Variants in BEND6 observed in about 807,000 individuals in gnomAD.
The protein encoded by BEND6 is BEN domain containing 6, also known as BEN domain-containing protein 6.
A neutral mutation model predicts 31.8 loss-of-function variants in BEND6; 24 were observed. That is an observed-to-expected ratio of 0.75 (90% CI 0.55 to 1.06). The LOEUF is 1.06. Among genes scored for constraint, BEND6 ranks in the 50% least tolerant of loss-of-function variants. The probability of loss-of-function intolerance (pLI) is 0.00; values close to 1 mark genes in which losing one functional copy is unlikely to be tolerated. For synonymous variants in BEND6, 109 were observed against 114.6 expected (o/e 0.95, Z 0.31); for missense variants, 294 against 327.4 (o/e 0.90, Z 0.79).
chr6:56,958,075 A>G (rs1041036589), intron 1 of BEND6, among the ~76,000 whole-genome samples: 2 of 152,300 alleles, frequency 1.3e-5, no homozygotes, highest in East Asian at 1.9e-4. Flanking sequence ...AAGGAACCCA[A>G]CCTGTTCAAA....
intron 3 of BEND6, chr6:57,010,651 G>A: frequency 1.1e-6 from 1 of 924,164 alleles, no homozygotes; most frequent in South Asian, 5.0e-5. Flanking sequence ...GGGAGAATTT[G>A]CTATTTTTGT....
chr6:57,020,221 AT>A (rs1827693964), intron 6 of BEND6, among the ~76,000 whole-genome samples: 1 of 151,678 alleles, frequency 6.6e-6, no homozygotes. Context: ...AGTACTTCCT[AT>A]TTTGACATGA....
At chr6:56,974,522 A>G (rs1222519634) in intron 1 of BEND6, among the ~76,000 whole-genome samples, 1 of 152,192 alleles carries the variant, frequency 6.6e-6, no homozygotes, top group Non-Finnish European at 1.5e-5. Flanking sequence ...ACCACACTTA[A>G]TGTGTTTATG....
Position 56,956,551 on chromosome 6 carries a change from CA to C in BEND6, c.-101+1095del, listed in dbSNP as rs1208153423. Among the ~76,000 whole-genome samples the C allele has an allele frequency of 3.3e-5, 5 of 152,202 alleles. No individual in the cohort carries two copies. In the East Asian group the frequency reaches 7.7e-4, roughly 23 times the overall value. ...TTTGTTTACAGCTGGTTTCCTTAAA[CA>C]AAATAAACATTCGAATTGTTGACAT... On this transcript the variant is annotated intron_variant, in intron 1 of 6. Coordinates refer to ENST00000370746, the MANE Select transcript of BEND6 (RefSeq NM_152731.3).
intron 5 of BEND6, 29 bp downstream of exon 5, chr6:57,017,428 T>C (rs1274030212): frequency 7.7e-7 from 1 of 1,293,874 alleles, no homozygotes; most frequent in African/African-American, 1.5e-5. Context: ...TATATTGTCG[T>C]ATGAATTTTA....
intron 4 of BEND6, 120 bp from the exon 5 acceptor site, chr6:57,017,087 A>G: frequency 2.8e-6 from 1 of 362,198 alleles, no homozygotes; most frequent in Non-Finnish European, 4.6e-6. Flanking sequence ...AAATATATAT[A>G]TAATATCTTA....
At position 56,988,795 on chromosome 6, in the gene BEND6, G is replaced by A. The variant is rs374942626; in HGVS notation, c.121-3583G>A. 1.3e-4 allele frequency among the ~76,000 whole-genome samples: 20 copies of A among 152,272 alleles called. 1 individual carries two copies. The highest frequency in any genetic ancestry group is 5.2e-4 in the Admixed American group (8 of 15,292). On this transcript the variant is annotated intron_variant, in intron 2 of 6. Coordinates refer to ENST00000370746, the MANE Select transcript of BEND6 (RefSeq NM_152731.3). ...TGTAATCCCAGCACTTTGGGAGTCC[G>A]AGGTGGGCAGATGACTTGAGGTCAG...
intron 2 of BEND6, among the ~76,000 whole-genome samples, chr6:56,985,667 A>G (rs1405140521): frequency 2.6e-5 from 4 of 152,216 alleles, no homozygotes; most frequent in Non-Finnish European, 4.4e-5. Flanking sequence ...TTAGCTGACA[A>G]CTATGAGCCC....
intron 3 of BEND6, among the ~76,000 whole-genome samples, chr6:56,995,233 A>C (rs1038054812): frequency 8.6e-5 from 13 of 151,964 alleles, no homozygotes; most frequent in African/African-American, 3.1e-4. Flanking sequence ...AAAAAAAAAA[A>C]AACAAAAACC....
intron 1 of BEND6, among the ~76,000 whole-genome samples, chr6:56,978,331 T>C (rs1825961269): frequency 6.6e-6 from 1 of 152,080 alleles, no homozygotes; most frequent in Non-Finnish European, 1.5e-5. Context: ...GGAGGGTTTT[T>C]TTTGTATACT....
intron 3 of BEND6, chr6:57,009,035 A>T (rs1827259821): frequency 6.6e-6 from 1 of 152,240 alleles, no homozygotes; most frequent in Non-Finnish European, 1.5e-5. Flanking sequence ...TAGAAAGTTA[A>T]ACACTGCATG....
Position 56,992,525 on chromosome 6 carries a change from C to T in BEND6, c.268C>T (p.Arg90Ter), listed in dbSNP as rs928555916. ...KLTNTRKENS[R>*]LRQSLVMLQV... ...AACAAACACCCGGAAAGAAAACAGC[C>T]GACTTCGACAGTCTTTGGTCATGCT... is the stretch of plus-strand genomic sequence containing the variant. The change falls in exon 3 of 7, where the codon CGA (arginine) becomes TGA (stop). Residue 90 changes from arginine (R) to a stop codon, truncating the protein, a stop_gained. Transcript: ENST00000370746. LOFTEE classifies it high-confidence loss of function. The T allele has an allele frequency of 1.2e-6, 2 of 1,613,378 alleles. No homozygotes were observed. Among genetic ancestry groups the T allele is most frequent in the Non-Finnish European group, 8.5e-7 (1 of 1,179,878 alleles).
intron 1 of BEND6, among the ~76,000 whole-genome samples, chr6:56,981,216 T>A (rs1038563429): frequency 6.6e-6 from 1 of 152,166 alleles, no homozygotes; most frequent in Non-Finnish European, 1.5e-5. Context: ...ATTCTTCAGT[T>A]TGCACCAAGG....
chr6:56,974,988 G>A (rs1165089891), intron 1 of BEND6, among the ~76,000 whole-genome samples: 3 of 152,090 alleles, frequency 2.0e-5, no homozygotes, highest in Admixed American at 1.3e-4. Flanking sequence ...GCATGATGGC[G>A]GGTGCCTGTA....
At chr6:56,999,773 T>G (rs1272415078) in intron 3 of BEND6, among the ~76,000 whole-genome samples, 1 of 152,238 alleles carries the variant, frequency 6.6e-6, no homozygotes, top group East Asian at 1.9e-4. Flanking sequence ...CCACTTTGGT[T>G]GCAGCCAGCT....
chr6:56,956,712 A>G (rs747112733), intron 1 of BEND6, among the ~76,000 whole-genome samples: 1 of 152,240 alleles, frequency 6.6e-6, no homozygotes, highest in Non-Finnish European at 1.5e-5. Flanking sequence ...ATGGGTCTCT[A>G]GCACTCAGAG....
intron 1 of BEND6, among the ~76,000 whole-genome samples, chr6:56,971,983 G>T: frequency 6.8e-6 from 1 of 146,178 alleles, no homozygotes; most frequent in African/African-American, 2.5e-5. Flanking sequence ...CCTGTTTTTT[G>T]TTTTATTGCC....
Position 57,018,480 on chromosome 6 carries a change from C to A in BEND6, c.772C>A (p.Gln258Lys). Residue 258 changes from glutamine to lysine, a missense_variant, in exon 6 of 7, where the codon CAA (glutamine) becomes AAA (lysine). Gln to Lys is a moderately conservative substitution (Grantham distance 53). Transcript: ENST00000370746. ...TGTTTCAATTAGGAGAATGATAGGG[C>A]AAAAGCTAAACAACTGTACCAAGAA... The part of the protein sequence containing the change: ...DDVSIRRMIG[Q>K]KLNNCTKKPN... 2 of 1,589,788 alleles carry A rather than the reference C, an allele frequency of 1.3e-6. No homozygotes were observed. The highest frequency in any genetic ancestry group is 1.4e-5 in the African/African-American group (1 of 73,360).
At position 57,004,069 on chromosome 6, in the gene BEND6, T is replaced by C. The variant is rs142095047; in HGVS notation, c.299-11064T>C. Reference sequence around the variant, plus strand: ...ACCTATGACAAACCCACAGCCAACATAATACTGAGCAGGTAAAACCAGAAG... The same window carrying C: ...ACCTATGACAAACCCACAGCCAACACAATACTGAGCAGGTAAAACCAGAAG... On this transcript the variant is annotated intron_variant, in intron 3 of 6. Coordinates refer to ENST00000370746, the MANE Select transcript of BEND6 (RefSeq NM_152731.3). Among the ~76,000 whole-genome samples the C allele has an allele frequency of 3.6e-3, 541 of 152,202 alleles. 19 individuals carry two copies. Among genetic ancestry groups the C allele is most frequent in the Admixed American group, 0.032 (484 of 15,298 alleles).
Sources: gnomAD v4.1 joint callset for allele counts (sites outside exome capture counted in the v4.1 genomes callset) on GRCh38, gnomAD v4.1.1 for gene constraint, MANE v1.5 for transcripts, NCBI Gene and HGNC (gene_info 2026-07-23, HGNC 2026-07-21) for gene names.